The following MTSS1 variants were observed in gnomAD, a reference collection of about 807,000 sequenced individuals.
MTSS1 encodes the protein MTSS I-BAR domain containing 1.
MTSS1 carries 18 observed loss-of-function variants against 79.0 expected under a neutral mutation model. The observed-to-expected ratio is 0.23, with a 90% CI of 0.16 to 0.34. The LOEUF (loss-of-function observed/expected upper bound fraction) is 0.34. Ranked by LOEUF, MTSS1 falls within the 10% of genes least tolerant of loss-of-function variation. The pLI, the probability that MTSS1 is intolerant of heterozygous loss-of-function variation, is 1.00. For missense variants in MTSS1, 815 were observed against 986.2 expected (o/e 0.83, Z 2.33); for synonymous variants, 341 against 368.6 (o/e 0.93, Z 0.86).
chr8:124,582,073 G>A lies in MTSS1; in HGVS notation c.460+3014C>T, dbSNP rs1026813615. Among the ~76,000 whole-genome samples the A allele has an allele frequency of 9.9e-5, 15 of 152,208 alleles. No homozygotes were observed. Among genetic ancestry groups the A allele is most frequent in the Middle Eastern group, 3.4e-3 (1 of 294 alleles). ...CTGTCGGCAATGCTGGCTCTGCCCC[G>A]TGCTCTTGACCCTGTGCACGAGCCC... On this transcript the variant is annotated intron_variant, in intron 6 of 13. Coordinates refer to ENST00000518547, the MANE Select transcript of MTSS1 (RefSeq NM_014751.6). The surrounding 1 kb of genome is among the most constrained non-coding windows in gnomAD (Gnocchi z 4.8).
intron 1 of MTSS1, among the ~76,000 whole-genome samples, chr8:124,711,083 A>G (rs1831093818): frequency 1.3e-5 from 2 of 152,320 alleles, no homozygotes; most frequent in South Asian, 4.1e-4. Context: ...GTTCACCTTG[A>G]CAAGCATCAC....
chr8:124,570,340 G>C (rs900974123), intron 6 of MTSS1, among the ~76,000 whole-genome samples: 1 of 151,922 alleles, frequency 6.6e-6, no homozygotes, highest in Non-Finnish European at 1.5e-5. Flanking sequence ...TCCACGGAGG[G>C]GTGCTACCCA....
Position 124,564,129 on chromosome 8 carries a change from CAAA to C in MTSS1, c.825-1140_825-1138del, listed in dbSNP as rs56313535. 6.0e-3 allele frequency among the ~76,000 whole-genome samples: 527 copies of C among 87,756 alleles called. 1 individual carries two copies. Among genetic ancestry groups the C allele is most frequent in the East Asian group, 0.017 (50 of 2,976 alleles). The allele number at this position is 87,756 out of a possible 152,430, so 57.6% of individuals were successfully genotyped here. A position where few individuals can be genotyped will look rare whatever the true frequency, so the allele number is the denominator to read the frequency against. ...TGGACAACAGAACGAGACCCGATCT[CAAA>C]AAAAAAAAAAAAAAAAAAATGCTCC... On this transcript the variant is annotated intron_variant, in intron 9 of 13. Coordinates refer to ENST00000518547, the MANE Select transcript of MTSS1 (RefSeq NM_014751.6).
chr8:124,590,630 G>A (rs961215908), intron 4 of MTSS1, among the ~76,000 whole-genome samples: 2 of 152,188 alleles, frequency 1.3e-5, no homozygotes, highest in Non-Finnish European at 2.9e-5. Flanking sequence ...GGAAAGCAAT[G>A]TCCATTTTCA....
At chr8:124,563,107 C>T (rs914953091) in intron 9 of MTSS1, 115 bp from the exon 10 acceptor site, 3 of 868,578 alleles carry the variant, frequency 3.5e-6, no homozygotes, top group Admixed American at 2.4e-5. Flanking sequence ...AGAAGCACAA[C>T]ATAATGCAAT....
At chr8:124,707,573 G>A (rs959223567) in intron 1 of MTSS1, among the ~76,000 whole-genome samples, 6 of 152,110 alleles carry the variant, frequency 3.9e-5, no homozygotes, top group Non-Finnish European at 7.4e-5. Flanking sequence ...GCTGGGCGTG[G>A]TAGCAGGCAC....
At chr8:124,576,003 C>T (rs928568716) in intron 6 of MTSS1, among the ~76,000 whole-genome samples, 1 of 152,156 alleles carries the variant, frequency 6.6e-6, no homozygotes, top group Admixed American at 6.5e-5. Context: ...TCTGTGGTCA[C>T]TTCCCTGAGC....
chr8:124,634,795 T>C (rs78657237), intron 3 of MTSS1, among the ~76,000 whole-genome samples: 4,269 of 151,936 alleles, frequency 0.028, 174 homozygotes, highest in African/African-American at 0.097. Context: ...CACCTGGGAG[T>C]GTGACGGAAA....
chr8:124,593,104 G>C (rs937450631), intron 3 of MTSS1, among the ~76,000 whole-genome samples: 1 of 152,200 alleles, frequency 6.6e-6, no homozygotes, highest in Non-Finnish European at 1.5e-5. Context: ...GTTCACACCA[G>C]GGAGAGCCAG....
intron 6 of MTSS1, chr8:124,580,038 G>T (rs531322992): frequency 6.6e-6 from 1 of 152,440 alleles, no homozygotes; most frequent in South Asian, 2.1e-4. Flanking sequence ...AAATACTTTT[G>T]ATTTATTTTT....
chr8:124,611,442 G>A (rs550602424), intron 3 of MTSS1, among the ~76,000 whole-genome samples: 295 of 152,202 alleles, frequency 1.9e-3, no homozygotes, highest in African/African-American at 6.6e-3. Flanking sequence ...ACGACCTCCA[G>A]CTGTCAGCTG....
At chr8:124,596,310 G>C (rs1832754228) in intron 3 of MTSS1, among the ~76,000 whole-genome samples, 1 of 146,640 alleles carries the variant, frequency 6.8e-6, no homozygotes, top group Non-Finnish European at 1.5e-5. Context: ...AGAAATCTAA[G>C]TTGGTCACTT....
Position 124,727,396 on chromosome 8 carries a change from A to AG in MTSS1, c.72+487dup, listed in dbSNP as rs1375743968. On this transcript the variant is annotated intron_variant, in intron 1 of 13. Coordinates refer to ENST00000518547, the MANE Select transcript of MTSS1 (RefSeq NM_014751.6). This position sits in a 1 kb window ranked among gnomAD's most constrained non-coding sequence, Gnocchi z 4.7. ...CTCCAAGTAGACCTGACAGCCAAGG[A>AG]GGGACTGGCTTTCCCTCTCAGTCTC... is the stretch of plus-strand genomic sequence containing the variant. 6.6e-6 allele frequency among the ~76,000 whole-genome samples: 1 copy of AG among 152,142 alleles called. No individual in the cohort carries two copies. The highest frequency in any genetic ancestry group is 1.5e-5 in the Non-Finnish European group (1 of 68,000).
chr8:124,609,901 G>T (rs1000408355), intron 3 of MTSS1, among the ~76,000 whole-genome samples: 1 of 150,496 alleles, frequency 6.6e-6, no homozygotes, highest in Non-Finnish European at 1.5e-5. Flanking sequence ...CTCCTGGGGT[G>T]GGGGGAAATG....
intron 3 of MTSS1, among the ~76,000 whole-genome samples, chr8:124,681,087 C>G (rs1367650366): frequency 6.6e-6 from 1 of 151,750 alleles, no homozygotes; most frequent in Non-Finnish European, 1.5e-5. Context: ...GTCCTAGTGT[C>G]AGATGCAAAA....
chr8:124,690,669 C>T (rs1247998032), intron 3 of MTSS1, among the ~76,000 whole-genome samples: 1 of 152,130 alleles, frequency 6.6e-6, no homozygotes, highest in African/African-American at 2.4e-5. Context: ...ACAGTGCTGT[C>T]GCCAGGCATC....
At chr8:124,692,721 C>T (rs1331181685) in intron 3 of MTSS1, among the ~76,000 whole-genome samples, 1 of 152,176 alleles carries the variant, frequency 6.6e-6, no homozygotes, top group African/African-American at 2.4e-5. Flanking sequence ...TTCTGAACTC[C>T]AGGGAGGAAT....
chr8:124,566,066 AT>A (rs1826360242), intron 8 of MTSS1: 1 of 191,820 alleles, frequency 5.2e-6, no homozygotes, highest in African/African-American at 2.3e-5. Context: ...TATAACAGCC[AT>A]TTATACCCAA....
At chr8:124,569,277 G>T (rs575035342) in intron 6 of MTSS1, among the ~76,000 whole-genome samples, 2 of 152,182 alleles carry the variant, frequency 1.3e-5, no homozygotes, top group African/African-American at 4.8e-5. Flanking sequence ...TTAAGACAGG[G>T]TGTTAGTCTT....
Sources: gnomAD v4.1 joint callset for allele counts (sites outside exome capture counted in the v4.1 genomes callset) on GRCh38, gnomAD v4.1.1 for gene constraint, Gnocchi (gnomAD v3.1) non-coding constraint, MANE v1.5 for transcripts, NCBI Gene and HGNC (gene_info 2026-07-23, HGNC 2026-07-21) for gene names.